MROH2A: variants seen among roughly 807,000 people sequenced by gnomAD.
MROH2A encodes maestro heat like repeat family member 2A, also known as maestro heat-like repeat-containing protein family member 2A.
In MROH2A, 174 loss-of-function variants were observed where a neutral mutation model predicts 200.4. That is an observed-to-expected ratio of 0.87 (90% CI 0.77 to 0.98). The LOEUF is 0.98. Ranked by LOEUF, MROH2A falls within the 50% of genes least tolerant of loss-of-function variation. The probability of loss-of-function intolerance (pLI) is 0.00; values close to 1 mark genes in which losing one functional copy is unlikely to be tolerated. For missense variants in MROH2A, 2,045 were observed against 2,139.6 expected, an observed-to-expected ratio of 0.96 and a Z score of 0.87; for synonymous variants, 829 against 840.4, an observed-to-expected ratio of 0.99 and a Z score of 0.23.
intron 3 of MROH2A, among the ~76,000 whole-genome samples, chr2:233,786,649 C>T (rs1701224128): frequency 6.6e-6 from 1 of 152,166 alleles, no homozygotes; most frequent in Non-Finnish European, 1.5e-5. Flanking sequence ...TCTCTAGGAA[C>T]TGGCTAGCTC....
rs899491845 is a variant in MROH2A at position 233,820,834 on chromosome 2, C to G, written c.3512+778C>G. 1.3e-5 allele frequency among the ~76,000 whole-genome samples: 2 copies of G among 152,168 alleles called. No individual in the cohort carries two copies. The highest frequency in any genetic ancestry group is 4.8e-5 in the African/African-American group (2 of 41,438). ...CCAGAGCCACAAGGGCTGACCTGCC[C>G]GAAATGCAGGCATGACTCCCCTGTG... On this transcript the variant is annotated intron_variant, in intron 31 of 41. Coordinates refer to ENST00000389758, the MANE Select transcript of MROH2A (RefSeq NM_001394639.1). The surrounding 1 kb of genome is among the most constrained non-coding windows in gnomAD (Gnocchi z 4.1).
At chr2:233,803,703 T>A (rs1702616789) in intron 16 of MROH2A, among the ~76,000 whole-genome samples, 1 of 152,178 alleles carries the variant, frequency 6.6e-6, no homozygotes, top group East Asian at 1.9e-4. Context: ...GGAGCTGACC[T>A]GGACCTGCTT....
At chr2:233,813,016 C>A (rs1192090157) in intron 24 of MROH2A, among the ~76,000 whole-genome samples, 1 of 152,188 alleles carries the variant, frequency 6.6e-6, no homozygotes, top group Non-Finnish European at 1.5e-5. Context: ...CCAGGTCCCA[C>A]CCCAGATCCT....
Position 233,818,757 on chromosome 2 carries a change from C to T in MROH2A, c.3191C>T (p.Ser1064Phe), listed in dbSNP as rs1485849604. The T allele has an allele frequency of 1.3e-6, 2 of 1,545,934 alleles. No homozygotes were observed. The highest frequency in any genetic ancestry group is 1.7e-6 in the Non-Finnish European group (2 of 1,143,176). The change falls in exon 29 of 42, where the codon TCC (serine) becomes TTC (phenylalanine). Residue 1064 changes from serine to phenylalanine, a missense_variant. Coordinates refer to ENST00000389758, the MANE Select transcript of MROH2A (RefSeq NM_001394639.1). Reference protein sequence around the residue: ...TDVEKIFCASSRIAKVVCMEF... With the variant: ...TDVEKIFCASFRIAKVVCMEF... ...GTGGAGAAGATCTTCTGTGCATCCTCCAGAATCGCCAAGGTGACAGCCGGG... is the reference window on the plus strand; with the variant it reads ...GTGGAGAAGATCTTCTGTGCATCCTTCAGAATCGCCAAGGTGACAGCCGGG...
At position 233,816,896 on chromosome 2, in the gene MROH2A, G is replaced by GAGTCCCC; in HGVS notation, c.2961+14_2961+20dup. The GAGTCCCC allele has an allele frequency of 6.7e-7, 1 of 1,491,104 alleles. No homozygotes were observed. Among genetic ancestry groups the GAGTCCCC allele is most frequent in the Non-Finnish European group, 9.1e-7 (1 of 1,093,538 alleles). 92.4% of individuals were successfully genotyped at this position (1,491,104 alleles called of 1,614,324 possible). ...AGCACTGCTGTCTGTGTGAGTCCAG[G>GAGTCCCC]AGTCCCCAGCCCCCAGCCTGCTGCT... On this transcript the variant is annotated intron_variant, in intron 27 of 41. Transcript: ENST00000389758.
chr2:233,809,314 G>T (rs1703003730), intron 22 of MROH2A, 36 bp downstream of exon 22: 1 of 1,541,798 alleles, frequency 6.5e-7, no homozygotes, highest in African/African-American at 1.4e-5. Context: ...ATGTCTTCTG[G>T]ACCAGGCTGG....
chr2:233,795,829 A>C, intron 9 of MROH2A, 84 bp downstream of exon 9: 1 of 1,548,568 alleles, frequency 6.5e-7, no homozygotes, highest in African/African-American at 1.4e-5. Context: ...CCTGGCCCAC[A>C]ACTCACTCGC....
intron 2 of MROH2A, 39 bp downstream of exon 2, chr2:233,779,491 C>G: frequency 6.8e-7 from 1 of 1,478,848 alleles, no homozygotes; most frequent in Non-Finnish European, 9.2e-7. Flanking sequence ...CCTGCCCCAT[C>G]TCAGACACTA....
intron 16 of MROH2A, 91 bp from the exon 17 acceptor site, chr2:233,803,960 A>G: frequency 6.8e-7 from 1 of 1,464,778 alleles, no homozygotes; most frequent in South Asian, 1.3e-5. Flanking sequence ...GATCTTGTCC[A>G]GCTCCTCCCT....
intron 3 of MROH2A, among the ~76,000 whole-genome samples, chr2:233,788,934 G>A (rs1375294351): frequency 3.5e-5 from 3 of 86,890 alleles, no homozygotes; most frequent in Admixed American, 4.0e-4. Flanking sequence ...GCGAGACTCC[G>A]TCTCAAAAAA....
rs1559475781 is a variant in MROH2A, at chr2:233,819,413, T to G, written c.3301T>G (p.Ser1101Ala). 1 of 1,550,540 alleles carries G rather than the reference T, an allele frequency of 6.4e-7. No homozygotes were observed. The highest frequency in any genetic ancestry group is 8.7e-7 in the Non-Finnish European group (1 of 1,146,954). The change falls in exon 30 of 42, where the codon TCT (serine) becomes GCT (alanine). Residue 1101 changes from serine to alanine, a missense_variant. Ser to Ala is a moderately conservative substitution (Grantham distance 99). Transcript: ENST00000389758. ...CATGAACCTGCAGCATGACAAGGCC[T>G]CTGTCACCTGGATAGCCTTCTTCCT... ...GAMNLQHDKA[S>A]VTWIAFFLQM... is the part of the protein sequence containing the mutation.
In MROH2A at chr2:233,828,133, C is replaced by A. The variant is rs1704444818; in HGVS notation, c.4114-497C>A. Among the ~76,000 whole-genome samples the A allele has an allele frequency of 6.6e-6, 1 of 152,076 alleles. No homozygotes were observed. The highest frequency in any genetic ancestry group is 2.4e-5 in the African/African-American group (1 of 41,406). Reference sequence around the variant, plus strand: ...CTCATTTCTCCTGTCCCTGGACTCACCAATTTGGTGTTTAGTTTTCAGGCC... The same window carrying A: ...CTCATTTCTCCTGTCCCTGGACTCAACAATTTGGTGTTTAGTTTTCAGGCC... On this transcript the variant is annotated intron_variant, in intron 35 of 41. Transcript: ENST00000389758. This position sits in a 1 kb window ranked among gnomAD's most constrained non-coding sequence, Gnocchi z 4.6.
chr2:233,790,038 C>T (rs771797194), intron 5 of MROH2A, 24 bp downstream of exon 5: 123 of 1,526,686 alleles, frequency 8.1e-5, no homozygotes, highest in Non-Finnish European at 9.8e-5. Context: ...GGCCCTCAGC[C>T]GGGCCCAGTG....
At position 233,807,589 on chromosome 2, in the gene MROH2A, C is replaced by T; in HGVS notation, c.2172+47C>T. The T allele has an allele frequency of 6.5e-7, 1 of 1,547,486 alleles. No individual in the cohort carries two copies. Among genetic ancestry groups the T allele is most frequent in the Non-Finnish European group, 8.7e-7 (1 of 1,145,228 alleles). ...TCCTGTCCACCAGATGCCTCTGGAC[C>T]CTCGGGGACATGTGTGTTCATGTGG... On this transcript the variant is annotated intron_variant, in intron 20 of 41. Transcript: ENST00000389758. The surrounding 1 kb of genome is among the most constrained non-coding windows in gnomAD (Gnocchi z 4.3).
rs575385639 is a variant in MROH2A at position 233,832,722 on chromosome 2, G to A, written c.4903+78G>A. On this transcript the variant is annotated intron_variant, in intron 41 of 41. Coordinates refer to ENST00000389758, the MANE Select transcript of MROH2A (RefSeq NM_001394639.1). ...GGGAGCTTAGAGAAACTGCTTCAAG[G>A]GAAGAGCCAGAGGACCCTTTGCTGT... 2.4e-5 allele frequency: 24 copies of A among 1,018,294 alleles called. No homozygotes were observed. In the Admixed American group the frequency reaches 3.0e-4, roughly 13 times the overall value. The allele number at this position is 1,018,294 out of a possible 1,614,324, so 63.1% of individuals were successfully genotyped here.
At chr2:233,791,568 T>C (rs566527745) in intron 5 of MROH2A, among the ~76,000 whole-genome samples, 1 of 152,144 alleles carries the variant, frequency 6.6e-6, no homozygotes, top group African/African-American at 2.4e-5. Context: ...TTGGCTTTGG[T>C]TCTTGGTGAC....
rs1462878383 is a variant in MROH2A, at chr2:233,807,533, T to C, written c.2163T>C (p.Phe721=). The C allele has an allele frequency of 6.4e-7, 1 of 1,550,532 alleles. No individual in the cohort carries two copies. Among genetic ancestry groups the C allele is most frequent in the African/African-American group, 1.4e-5 (1 of 73,174 alleles). Residue 721 remains phenylalanine, a synonymous_variant, in exon 20 of 42, where the codon TTT becomes TTC. Coordinates refer to ENST00000389758, the MANE Select transcript of MROH2A (RefSeq NM_001394639.1). The surrounding 1 kb of genome is among the most constrained non-coding windows in gnomAD (Gnocchi z 4.3). ...ACAAGACGGACTACAGCAATGACTT[T>C]GACAGCGAGGTGAGGGTGCCTGCAG... ...LLYKTDYSND[F]DSEGVIMCFG... is the part of the protein sequence containing the mutation.
intron 12 of MROH2A, among the ~76,000 whole-genome samples, chr2:233,799,165 G>GA (rs1001405859): frequency 2.0e-5 from 3 of 152,066 alleles, no homozygotes; most frequent in African/African-American, 7.2e-5. Context: ...TATCGCATGT[G>GA]AAAAAAGCAA....
chr2:233,810,813 C>T lies in MROH2A; in HGVS notation c.2468C>T (p.Ala823Val). The change falls in exon 23 of 42, where the codon GCC (alanine) becomes GTC (valine). Residue 823 changes from alanine to valine, a missense_variant. By Grantham distance (64) the Ala-to-Val change is moderately conservative. Transcript: ENST00000389758. ...SSCQDICLKM[A>V]FMKSVVQVTK... Reference sequence around the variant, plus strand: ...GCTCAGGACATCTGTCTCAAAATGGCCTTCATGAAGAGTGTTGTGCAGGTT... The same window carrying T: ...GCTCAGGACATCTGTCTCAAAATGGTCTTCATGAAGAGTGTTGTGCAGGTT... 7 of 1,550,340 alleles carry T rather than the reference C, an allele frequency of 4.5e-6. No individual in the cohort carries two copies. The highest frequency in any genetic ancestry group is 2.4e-5 in the East Asian group (1 of 40,902).
Sources: gnomAD v4.1 joint callset for allele counts (sites outside exome capture counted in the v4.1 genomes callset) on GRCh38, gnomAD v4.1.1 for gene constraint, Gnocchi (gnomAD v3.1) non-coding constraint, MANE v1.5 for transcripts, NCBI Gene and HGNC (gene_info 2026-07-23, HGNC 2026-07-21) for gene names.